The following SEMA5A variants were observed in gnomAD, a reference collection of about 807,000 sequenced individuals.
SEMA5A encodes the protein semaphorin 5A, also known as semaphorin-5A.
In SEMA5A, 55 loss-of-function variants were observed where a neutral mutation model predicts 135.5. That is an observed-to-expected ratio of 0.41 (90% CI 0.33 to 0.51). SEMA5A has a LOEUF of 0.51. Ranked by LOEUF, SEMA5A falls within the 20% of genes least tolerant of loss-of-function variation. The probability of loss-of-function intolerance (pLI) is 0.37; values close to 1 mark genes in which losing one functional copy is unlikely to be tolerated. For synonymous variants in SEMA5A, 580 were observed against 546.5 expected, an observed-to-expected ratio of 1.06 and a Z score of -0.85; for missense variants, 1,290 against 1,419.9, an observed-to-expected ratio of 0.91 and a Z score of 1.47.
intron 5 of SEMA5A, among the ~76,000 whole-genome samples, chr5:9,256,560 A>G (rs1015510082): frequency 3.3e-5 from 5 of 152,174 alleles, no homozygotes; most frequent in African/African-American, 1.2e-4. Flanking sequence ...TTTCTATCAC[A>G]TCACTGCATT....
intron 11 of SEMA5A, among the ~76,000 whole-genome samples, chr5:9,160,708 G>A (rs1743206875): frequency 6.6e-6 from 1 of 152,178 alleles, no homozygotes. Context: ...CCTGATGTCA[G>A]GTATAAAATG....
intron 2 of SEMA5A, among the ~76,000 whole-genome samples, chr5:9,393,136 T>C (rs1201593484): frequency 2.0e-5 from 3 of 152,242 alleles, no homozygotes; most frequent in Non-Finnish European, 2.9e-5. Flanking sequence ...AAGGTCTCCA[T>C]GGTGGAAAAG....
intron 16 of SEMA5A, among the ~76,000 whole-genome samples, chr5:9,105,680 C>T (rs1200429834): frequency 6.6e-6 from 1 of 152,118 alleles, no homozygotes; most frequent in Non-Finnish European, 1.5e-5. Flanking sequence ...ACCATCACCG[C>T]CTTCTCCAAG....
chr5:9,483,831 G>A lies in SEMA5A; in HGVS notation c.-174-45979C>T, dbSNP rs1044106479. On this transcript the variant is annotated intron_variant, in intron 1 of 22. Transcript: ENST00000382496. The stretch of plus-strand genomic sequence containing the variant: ...AAAATAAATACGCAAAGCCTTGGGG[G>A]GAGGAGAAAAAAACAGCTTTGAAGG... Among the ~76,000 whole-genome samples, 6 of 152,246 alleles carry A rather than the reference G, an allele frequency of 3.9e-5. 1 individual carries two copies. Among genetic ancestry groups the A allele is most frequent in the Admixed American group, 2.0e-4 (3 of 15,294 alleles).
intron 2 of SEMA5A, among the ~76,000 whole-genome samples, chr5:9,413,533 C>T (rs770109193): frequency 2.6e-5 from 4 of 152,116 alleles, no homozygotes; most frequent in Admixed American, 6.5e-5. Flanking sequence ...GACTTCATAA[C>T]GAAAGACCTT....
At chr5:9,496,953 G>A (rs1030571561) in intron 1 of SEMA5A, among the ~76,000 whole-genome samples, 5 of 152,204 alleles carry the variant, frequency 3.3e-5, no homozygotes, top group Admixed American at 1.3e-4. Context: ...ATTCATTTGT[G>A]TTTTAATATG....
At chr5:9,121,683 C>A (rs112654881) in intron 14 of SEMA5A, among the ~76,000 whole-genome samples, 37 of 151,386 alleles carry the variant, frequency 2.4e-4, no homozygotes, top group African/African-American at 7.6e-4. Context: ...GCCTGTGTCC[C>A]CTGTAATACA....
chr5:9,293,007 G>A (rs571352967), intron 5 of SEMA5A, among the ~76,000 whole-genome samples: 8 of 152,314 alleles, frequency 5.3e-5, no homozygotes, highest in South Asian at 4.1e-4. Context: ...TGATCGAGGC[G>A]TTTCTTCTGC....
chr5:9,139,528 A>C (rs1406703007), intron 12 of SEMA5A, among the ~76,000 whole-genome samples: 3 of 152,202 alleles, frequency 2.0e-5, no homozygotes, highest in Non-Finnish European at 4.4e-5. Context: ...AGCATAGATG[A>C]ATATACTTTT....
chr5:9,303,457 A>G (rs1422529662), intron 5 of SEMA5A, among the ~76,000 whole-genome samples: 1 of 152,160 alleles, frequency 6.6e-6, no homozygotes, highest in Non-Finnish European at 1.5e-5. Flanking sequence ...TTTCTTCACC[A>G]TAAATATCAA....
chr5:9,527,743 A>G (rs1247409167), intron 1 of SEMA5A, among the ~76,000 whole-genome samples: 2 of 152,186 alleles, frequency 1.3e-5, no homozygotes, highest in East Asian at 1.9e-4. Flanking sequence ...AACTATTGCT[A>G]TCATTTTAGA....
intron 8 of SEMA5A, among the ~76,000 whole-genome samples, chr5:9,213,060 C>A (rs1746424976): frequency 6.6e-6 from 1 of 152,170 alleles, no homozygotes; most frequent in Non-Finnish European, 1.5e-5. Context: ...TGTGTCCTCA[C>A]AAGGTGGGAG....
chr5:9,401,525 A>T (rs1756662326), intron 2 of SEMA5A, among the ~76,000 whole-genome samples: 1 of 152,164 alleles, frequency 6.6e-6, no homozygotes, highest in Non-Finnish European at 1.5e-5. Context: ...TCCTCTTCTC[A>T]GCTCCTAAAA....
chr5:9,127,748 AAAG>A (rs1221469453), intron 13 of SEMA5A, among the ~76,000 whole-genome samples: 1 of 152,228 alleles, frequency 6.6e-6, no homozygotes, highest in African/African-American at 2.4e-5. Context: ...AATTTGAGGC[AAAG>A]AAGAGCTTTC....
intron 5 of SEMA5A, among the ~76,000 whole-genome samples, chr5:9,243,085 CA>C (rs1219225945): frequency 6.6e-6 from 1 of 152,208 alleles, no homozygotes; most frequent in Non-Finnish European, 1.5e-5. Context: ...TGGGAGTTGA[CA>C]ATGTATTCAT....
intron 19 of SEMA5A, among the ~76,000 whole-genome samples, chr5:9,052,850 C>G (rs1736666204): frequency 6.6e-6 from 1 of 151,632 alleles, no homozygotes; most frequent in South Asian, 2.1e-4. Flanking sequence ...GAATTTTAAT[C>G]AGGATAAAAA....
In SEMA5A at chr5:9,036,770, C is replaced by A. The variant is rs1356283427; in HGVS notation, c.*6127G>T. ...TTTCTTTAAAGTAAATCCAATCAATCTTCTCCTTCTAATTAGACCAATAAT... is the reference window on the plus strand; with the variant it reads ...TTTCTTTAAAGTAAATCCAATCAATATTCTCCTTCTAATTAGACCAATAAT... On this transcript the variant is annotated 3_prime_UTR_variant, in exon 23 of 23. Transcript: ENST00000382496. The A allele has an allele frequency of 2.6e-5, 4 of 152,568 alleles. No homozygotes were observed. The highest frequency in any genetic ancestry group is 9.7e-5 in the African/African-American group (4 of 41,444). The allele number at this position is 152,568 out of a possible 1,614,324, so 9.5% of individuals were successfully genotyped here.
intron 1 of SEMA5A, among the ~76,000 whole-genome samples, chr5:9,535,216 C>G (rs1737693542): frequency 6.6e-6 from 1 of 152,230 alleles, no homozygotes; most frequent in Non-Finnish European, 1.5e-5. Context: ...GTAACATTCG[C>G]AGGCGTAAGC....
intron 1 of SEMA5A, among the ~76,000 whole-genome samples, chr5:9,452,595 C>A (rs749835860): frequency 2.0e-5 from 3 of 152,100 alleles, no homozygotes; most frequent in African/African-American, 7.2e-5. Context: ...TCAAGGTGAG[C>A]CCCCGCAAAT....
Sources: allele counts gnomAD v4.1 joint callset (sites outside exome capture counted in the v4.1 genomes callset), GRCh38; gene constraint gnomAD v4.1.1; transcripts MANE v1.5; gene names NCBI Gene and HGNC (gene_info 2026-07-23, HGNC 2026-07-21).